CUL2: variants seen among roughly 807,000 people sequenced by gnomAD.
CUL2 encodes the protein cullin 2, also known as cullin-2.
A neutral mutation model predicts 110.2 loss-of-function variants in CUL2; 22 were observed. That is an observed-to-expected ratio of 0.20 (90% CI 0.14 to 0.28). The LOEUF (loss-of-function observed/expected upper bound fraction) is 0.28. CUL2 is among the 10% of genes least tolerant of loss of function. The probability of loss-of-function intolerance (pLI) is 1.00; values close to 1 mark genes in which losing one functional copy is unlikely to be tolerated. For missense variants in CUL2, 631 were observed against 905.5 expected, an observed-to-expected ratio of 0.70 and a Z score of 3.89; for synonymous variants, 279 against 293.2, an observed-to-expected ratio of 0.95 and a Z score of 0.49.
intron 14 of CUL2, 119 bp from the exon 15 acceptor site, chr10:35,029,759 T>C (rs914505578): frequency 1.5e-6 from 1 of 662,898 alleles, no homozygotes; most frequent in East Asian, 3.2e-5. Flanking sequence ...TATACACTTA[T>C]ACCCAAGGAC....
At chr10:35,093,659 C>CA (rs58582764), upstream of CUL2, among the ~76,000 whole-genome samples, 34 of 87,738 alleles carry the variant, frequency 3.9e-4, no homozygotes, top group African/African-American at 8.9e-4. Flanking sequence ...GACCTTCTCT[C>CA]AAAAAAAAAA....
At chr10:35,025,271 CA>C in intron 16 of CUL2, 73 bp from the exon 17 acceptor site, 1 of 1,465,120 alleles carries the variant, frequency 6.8e-7, no homozygotes, top group Non-Finnish European at 9.0e-7. Flanking sequence ...CACAATACTA[CA>C]AAAGCAATGA....
At chr10:35,056,042 G>C (rs1370351786) in intron 4 of CUL2, among the ~76,000 whole-genome samples, 1 of 152,126 alleles carries the variant, frequency 6.6e-6, no homozygotes, top group African/African-American at 2.4e-5. Context: ...ACTATTTAAC[G>C]CACAACTGTT....
At chr10:35,032,009 T>C (rs1356795734) in intron 12 of CUL2, among the ~76,000 whole-genome samples, 2 of 152,206 alleles carry the variant, frequency 1.3e-5, no homozygotes, top group African/African-American at 2.4e-5. Flanking sequence ...GCAACTGATA[T>C]AAGTAATACA....
At chr10:35,044,520 C>A in intron 8 of CUL2, 46 bp downstream of exon 8, 2 of 1,210,232 alleles carry the variant, frequency 1.7e-6, no homozygotes, top group Non-Finnish European at 1.2e-6. Flanking sequence ...TAAAACCAGG[C>A]CAGATACAAA....
rs749337166 is a variant in CUL2 at position 35,031,633 on chromosome 10, T to A, written c.1171-14A>T. ...GTACTTAGCAAGCTCATGTAGAAAT[T>A]GATAATAAATCTTACAAAGGGTGCT... On this transcript the variant is annotated splice_polypyrimidine_tract_variant and intron_variant, in intron 12 of 20. Coordinates refer to ENST00000374749, the MANE Select transcript of CUL2 (RefSeq NM_003591.4). This position sits in a 1 kb window ranked among gnomAD's most constrained non-coding sequence, Gnocchi z 4.4. 2 of 1,613,608 alleles carry A rather than the reference T, an allele frequency of 1.2e-6. No homozygotes were observed. Among genetic ancestry groups the A allele is most frequent in the Admixed American group, 3.3e-5 (2 of 59,976 alleles).
chr10:35,068,804 T>G (rs1371255114), intron 2 of CUL2, among the ~76,000 whole-genome samples: 1 of 152,174 alleles, frequency 6.6e-6, no homozygotes, highest in Admixed American at 6.5e-5. Context: ...GAACTTTATA[T>G]TCTTGGGCAA....
intron 1 of CUL2, among the ~76,000 whole-genome samples, chr10:35,103,049 A>C (rs771761967): frequency 6.6e-6 from 1 of 152,208 alleles, no homozygotes; most frequent in Non-Finnish European, 1.5e-5. Flanking sequence ...TAATGTTTTC[A>C]TTGTGTCCAA....
At chr10:35,046,041 C>T (rs1564719161) in intron 6 of CUL2, among the ~76,000 whole-genome samples, 1 of 152,224 alleles carries the variant, frequency 6.6e-6, no homozygotes, top group Non-Finnish European at 1.5e-5. Context: ...CCTTTACATA[C>T]TAGAGTCCTT....
At position 35,078,007 on chromosome 10, in the gene CUL2, T is replaced by A. The variant is rs185560417; in HGVS notation, c.-22-6668A>T. Among the ~76,000 whole-genome samples, 354 of 152,188 alleles carry A rather than the reference T, an allele frequency of 2.3e-3. 1 individual carries two copies. The highest frequency in any genetic ancestry group is 8.1e-3 in the African/African-American group (338 of 41,540). The stretch of plus-strand genomic sequence containing the variant: ...TTTTGTATGTGTTTACAATTTTCCA[T>A]AATAAAGGAATTTAAAAATCCTACT... On this transcript the variant is annotated intron_variant, in intron 1 of 20. Transcript: ENST00000374749.
chr10:35,091,884 T>A (rs1405800168), upstream of CUL2, among the ~76,000 whole-genome samples: 1 of 152,240 alleles, frequency 6.6e-6, no homozygotes, highest in South Asian at 2.1e-4. Flanking sequence ...CACCTCAGCC[T>A]CCCAAAGTGC....
Position 35,033,258 on chromosome 10 carries a change from C to T in CUL2, c.1018G>A (p.Val340Met), listed in dbSNP as rs755454304. 5 of 1,612,062 alleles carry T rather than the reference C, an allele frequency of 3.1e-6. No individual in the cohort carries two copies. The highest frequency in any genetic ancestry group is 2.2e-5 in the South Asian group (2 of 91,042). ...CCATGCACTTCCAAAACTGACTCCA[C>T]AAATAGTGTTGGCATCTAAAAATGA... ...LTQENMPTLF[V>M]ESVLEVHGKF... Residue 340 changes from valine to methionine, a missense_variant, in exon 11 of 21, where the codon GTG (valine) becomes ATG (methionine). By Grantham distance (21) the Val-to-Met change is conservative. Coordinates refer to ENST00000374749, the MANE Select transcript of CUL2 (RefSeq NM_003591.4).
At position 35,013,817 on chromosome 10, in the gene CUL2, A is replaced by G; in HGVS notation, c.1888-17T>C. 1 of 1,405,700 alleles carries G rather than the reference A, an allele frequency of 7.1e-7. No individual in the cohort carries two copies. The highest frequency in any genetic ancestry group is 9.5e-7 in the Non-Finnish European group (1 of 1,057,330). The allele number at this position is 1,405,700 out of a possible 1,614,324, so 87.1% of individuals were successfully genotyped here. A position where few individuals can be genotyped will look rare whatever the true frequency, so the allele number is the denominator to read the frequency against. On this transcript the variant is annotated splice_polypyrimidine_tract_variant and intron_variant, in intron 18 of 20. Coordinates refer to ENST00000374749, the MANE Select transcript of CUL2 (RefSeq NM_003591.4). ...AATATCTTCCTACATTTAAAAATAA[A>G]ACATTTATATTTATAAAAACCAAAA...
chr10:35,034,489 T>C (rs1448028195), intron 10 of CUL2, among the ~76,000 whole-genome samples: 1 of 152,206 alleles, frequency 6.6e-6, no homozygotes, highest in Non-Finnish European at 1.5e-5. Flanking sequence ...CAGTGACGTC[T>C]ATACACAGAT....
intron 2 of CUL2, among the ~76,000 whole-genome samples, chr10:35,096,317 C>T (rs904529409): frequency 4.0e-5 from 6 of 151,736 alleles, no homozygotes; most frequent in Non-Finnish European, 7.4e-5. Flanking sequence ...AAGTGGCTGA[C>T]GTGATGGCCG....
chr10:35,046,309 A>G (rs1440858462), intron 6 of CUL2, among the ~76,000 whole-genome samples: 2 of 152,076 alleles, frequency 1.3e-5, no homozygotes, highest in East Asian at 1.9e-4. Flanking sequence ...ACTGTTACCT[A>G]TTTTCTCATG....
At chr10:35,049,186 C>G (rs764687612) in intron 6 of CUL2, among the ~76,000 whole-genome samples, 6 of 152,160 alleles carry the variant, frequency 3.9e-5, no homozygotes, top group Non-Finnish European at 8.8e-5. Flanking sequence ...AAAGTGTTAA[C>G]CACTCTGAGC....
upstream of CUL2, chr10:35,126,793 A>C (rs1358905227): frequency 6.6e-6 from 1 of 150,738 alleles, no homozygotes; most frequent in Non-Finnish European, 1.5e-5. Context: ...CCCTATCCCT[A>C]GGCCCCGCCC....
intron 1 of CUL2, among the ~76,000 whole-genome samples, chr10:35,122,670 C>A (rs962522010): frequency 6.6e-6 from 1 of 152,092 alleles, no homozygotes; most frequent in African/African-American, 2.4e-5. Flanking sequence ...TAGAGTCTTG[C>A]TCCATGGCCC....
Sources: allele counts gnomAD v4.1 joint callset (sites outside exome capture counted in the v4.1 genomes callset), GRCh38; gene constraint gnomAD v4.1.1; non-coding constraint Gnocchi (gnomAD v3.1); transcripts MANE v1.5; gene names NCBI Gene and HGNC (gene_info 2026-07-23, HGNC 2026-07-21).